The following SLC25A27 variants were observed in gnomAD, a reference collection of about 807,000 sequenced individuals.
SLC25A27 encodes solute carrier family 25 member 27.
Under a neutral mutation model 49.1 loss-of-function variants are expected in SLC25A27, and 35 were observed. That is an observed-to-expected ratio of 0.71 (90% CI 0.54 to 0.95). The LOEUF (loss-of-function observed/expected upper bound fraction) is 0.95, where lower values mean the gene tolerates loss of function less well. Among genes scored for constraint, SLC25A27 ranks in the 40% least tolerant of loss-of-function variants. The probability of loss-of-function intolerance (pLI) is 0.00; values close to 1 mark genes in which losing one functional copy is unlikely to be tolerated. For synonymous variants in SLC25A27, 144 were observed against 136.9 expected, an observed-to-expected ratio of 1.05 and a Z score of -0.36; for missense variants, 339 against 397.1, an observed-to-expected ratio of 0.85 and a Z score of 1.24.
At position 46,653,188 on chromosome 6, in the gene SLC25A27, G is replaced by A. The variant is rs1762814871; in HGVS notation, c.-5G>A. The A allele has an allele frequency of 6.2e-7, 1 of 1,612,362 alleles. No homozygotes were observed. ...GAGTGCGTTATCGTCTTGCGCTACT[G>A]CTGAATGTCCGTCCCGGAGGAGGAG... On this transcript the variant is annotated 5_prime_UTR_variant, in exon 1 of 9. Transcript: ENST00000371347.
chr6:46,671,064 T>G (rs1763517454), intron 7 of SLC25A27, 62 bp from the exon 8 acceptor site: 1 of 1,146,888 alleles, frequency 8.7e-7, no homozygotes, highest in Non-Finnish European at 1.3e-6. Context: ...TTAGACAATT[T>G]TTATGTACAT....
At chr6:46,659,496 C>T (rs561706727) in intron 3 of SLC25A27, among the ~76,000 whole-genome samples, 21 of 152,064 alleles carry the variant, frequency 1.4e-4, no homozygotes, top group African/African-American at 2.2e-4. Flanking sequence ...TATTATTTAA[C>T]GGAAACTGAA....
chr6:46,653,328 G>A, intron 1 of SLC25A27, 30 bp downstream of exon 1: 1 of 1,591,624 alleles, frequency 6.3e-7, no homozygotes, highest in Non-Finnish European at 8.5e-7. Context: ...TGGGCCTCCC[G>A]GGCCAGTGGC....
chr6:46,670,824 G>A (rs1485382800), intron 7 of SLC25A27, among the ~76,000 whole-genome samples: 1 of 151,912 alleles, frequency 6.6e-6, no homozygotes, highest in East Asian at 1.9e-4. Context: ...TGCAAGCTCC[G>A]CCTCCCAGGT....
Position 46,677,021 on chromosome 6 carries a change from G to A in SLC25A27, c.*567G>A, listed in dbSNP as rs1430873585. 1 of 248,922 alleles carries A rather than the reference G, an allele frequency of 4.0e-6. No homozygotes were observed. The highest frequency in any genetic ancestry group is 7.7e-6 in the Non-Finnish European group (1 of 130,406). The allele number at this position is 248,922 out of a possible 1,614,324, so 15.4% of individuals were successfully genotyped here. A position where few individuals can be genotyped will look rare whatever the true frequency, so the allele number is the denominator to read the frequency against. ...TGAGTTTCCCTAGTGTTGAAGGAAGGTGTACTTTTTCTTGTCAGAAAGATA... is the reference window on the plus strand; with the variant it reads ...TGAGTTTCCCTAGTGTTGAAGGAAGATGTACTTTTTCTTGTCAGAAAGATA... On this transcript the variant is annotated 3_prime_UTR_variant, in exon 9 of 9. Coordinates refer to ENST00000371347, the MANE Select transcript of SLC25A27 (RefSeq NM_004277.5).
chr6:46,678,050 A>ATATATATATT lies in SLC25A27; in HGVS notation c.*1605_*1606insTTATATATAT, dbSNP rs1763865783. ...AAATATTATATATATATATATATAT[A>ATATATATATT]TATATATATATATATGCTTAACTTC... On this transcript the variant is annotated 3_prime_UTR_variant, in exon 9 of 9. Transcript: ENST00000371347. 2 of 67,224 alleles carry ATATATATATT rather than the reference A, an allele frequency of 3.0e-5. No homozygotes were observed. Among genetic ancestry groups the ATATATATATT allele is most frequent in the Non-Finnish European group, 6.2e-5 (2 of 32,110 alleles). The allele number at this position is 67,224 out of a possible 1,614,324, so 4.2% of individuals were successfully genotyped here.
At chr6:46,674,226 T>TTAATA (rs1223150729) in intron 8 of SLC25A27, among the ~76,000 whole-genome samples, 47 of 152,280 alleles carry the variant, frequency 3.1e-4, no homozygotes, top group African/African-American at 1.1e-3. Context: ...CGTGCAAAGC[T>TTAATA]CTACATACAT....
chr6:46,655,768 T>C (rs532056970), intron 1 of SLC25A27, 75 bp from the exon 2 acceptor site: 2 of 1,251,316 alleles, frequency 1.6e-6, no homozygotes, highest in East Asian at 2.4e-5. Context: ...GGGAAAATAT[T>C]ACTCCTATGA....
chr6:46,671,101 TA>T, intron 7 of SLC25A27, 24 bp from the exon 8 acceptor site: 1 of 1,433,918 alleles, frequency 7.0e-7, no homozygotes, highest in Non-Finnish European at 9.6e-7. Context: ...AGAAAAAAAT[TA>T]AAAGGATCTT....
chr6:46,653,367 G>A, intron 1 of SLC25A27, 69 bp downstream of exon 1: 1 of 1,505,190 alleles, frequency 6.6e-7, no homozygotes, highest in Non-Finnish European at 8.8e-7. Context: ...GGGTGCGCGG[G>A]CGGCTTCGCG....
chr6:46,671,945 T>C (rs571005217), intron 8 of SLC25A27, among the ~76,000 whole-genome samples: 2 of 151,560 alleles, frequency 1.3e-5, no homozygotes, highest in South Asian at 2.1e-4. Context: ...TAACACAATA[T>C]ATTATAATAC....
At chr6:46,658,737 C>A in intron 2 of SLC25A27, 1 of 542,896 alleles carries the variant, frequency 1.8e-6, no homozygotes, top group Non-Finnish European at 3.3e-6. Context: ...AGAATTCATT[C>A]TAGAAAGATC....
intron 2 of SLC25A27, among the ~76,000 whole-genome samples, chr6:46,656,493 A>G (rs1029724403): frequency 6.6e-6 from 1 of 152,030 alleles, no homozygotes; most frequent in South Asian, 2.1e-4. Flanking sequence ...TTACAGGCAC[A>G]TGCTACCAAA....
chr6:46,657,977 G>A (rs1763041498), intron 2 of SLC25A27, among the ~76,000 whole-genome samples: 1 of 152,182 alleles, frequency 6.6e-6, no homozygotes. Context: ...ACAAGAGGAG[G>A]ACTTGATTTT....
chr6:46,660,727 A>G (rs780837507), intron 3 of SLC25A27, among the ~76,000 whole-genome samples: 2 of 152,200 alleles, frequency 1.3e-5, no homozygotes, highest in Admixed American at 6.5e-5. Context: ...AGTCACAGCT[A>G]TAAAAAGGGG....
rs1306494866 is a variant in SLC25A27, at chr6:46,677,386, T to C, written c.*932T>C. 6.6e-6 allele frequency: 1 copy of C among 152,210 alleles called. No individual in the cohort carries two copies. The highest frequency in any genetic ancestry group is 2.4e-5 in the African/African-American group (1 of 41,462). The allele number at this position is 152,210 out of a possible 1,614,324, so 9.4% of individuals were successfully genotyped here. On this transcript the variant is annotated 3_prime_UTR_variant, in exon 9 of 9. Coordinates refer to ENST00000371347, the MANE Select transcript of SLC25A27 (RefSeq NM_004277.5). ...ATTTTAAAAGCAAGGCAGATAGATA[T>C]GAAGTCAGCCAACTCTGACATGCGT...
At chr6:46,669,540 G>A (rs1039808184) in intron 6 of SLC25A27, among the ~76,000 whole-genome samples, 1 of 152,184 alleles carries the variant, frequency 6.6e-6, no homozygotes, top group Non-Finnish European at 1.5e-5. Flanking sequence ...AACCCTAAAA[G>A]TGTAATAGTG....
rs751626969 is a variant in SLC25A27 at position 46,655,894 on chromosome 6, C to T, written c.158C>T (p.Ala53Val). ...TKTRLQMQGE[A>V]ALARLGDGAR... ...ACTCGACTCCAAATGCAAGGAGAAG[C>T]AGCTCTTGCTCGGTTGGGAGACGGT... The change falls in exon 2 of 9, where the codon GCA becomes GTA. Residue 53 changes from alanine (A) to valine (V), a missense_variant. Physicochemically the swap from Ala to Val is moderately conservative, Grantham distance 64 (BLOSUM62 0). Transcript: ENST00000371347. 16 of 1,613,700 alleles carry T rather than the reference C, an allele frequency of 9.9e-6. No individual in the cohort carries two copies. The highest frequency in any genetic ancestry group is 1.3e-5 in the African/African-American group (1 of 74,926).
chr6:46,666,805 A>C (rs1462543658), intron 5 of SLC25A27, among the ~76,000 whole-genome samples: 1 of 151,890 alleles, frequency 6.6e-6, no homozygotes. Flanking sequence ...ATAATTTCAA[A>C]AATATATCAC....
Sources: allele counts gnomAD v4.1 joint callset (sites outside exome capture counted in the v4.1 genomes callset), GRCh38; gene constraint gnomAD v4.1.1; transcripts MANE v1.5; gene names NCBI Gene and HGNC (gene_info 2026-07-23, HGNC 2026-07-21).